The following PTCD1 variants were observed in gnomAD, a reference collection of about 807,000 sequenced individuals.
The protein encoded by PTCD1 is pentatricopeptide repeat domain 1, also known as pentatricopeptide repeat-containing protein 1, mitochondrial.
In PTCD1, 50 loss-of-function variants were observed where a neutral mutation model predicts 53.4. The observed-to-expected ratio is 0.94, with a 90% CI of 0.75 to 1.19. The LOEUF (loss-of-function observed/expected upper bound fraction) is 1.19, where lower values mean the gene tolerates loss of function less well. Among genes scored for constraint, PTCD1 ranks in the 50% most tolerant of loss-of-function variants. The pLI, the probability that PTCD1 is intolerant of heterozygous loss-of-function variation, is 0.00. For missense variants in PTCD1, 918 were observed against 904.8 expected, an observed-to-expected ratio of 1.01 and a Z score of -0.19; for synonymous variants, 413 against 394.8, an observed-to-expected ratio of 1.05 and a Z score of -0.55.
chr7:99,419,589 G>T lies in PTCD1; in HGVS notation c.*378C>A. ...CTTCGCTGTCTATCAGCTGTGATTTGTAAAAATAAAATCTTTAAATCTCTC... is the reference window on the plus strand; with the variant it reads ...CTTCGCTGTCTATCAGCTGTGATTTTTAAAAATAAAATCTTTAAATCTCTC... On this transcript the variant is annotated 3_prime_UTR_variant, in exon 8 of 8. Transcript: ENST00000292478. 1.1e-6 allele frequency: 1 copy of T among 935,202 alleles called. No individual in the cohort carries two copies. Among genetic ancestry groups the T allele is most frequent in the Non-Finnish European group, 1.6e-6 (1 of 621,966 alleles). 57.9% of individuals were successfully genotyped at this position (935,202 alleles called of 1,614,324 possible).
rs759044184 is a variant in PTCD1, at chr7:99,425,153, G to A, written c.1379C>T (p.Thr460Ile). The A allele has an allele frequency of 6.2e-7, 1 of 1,614,044 alleles. No individual in the cohort carries two copies. The highest frequency in any genetic ancestry group is 8.5e-7 in the Non-Finnish European group (1 of 1,179,964). The change falls in exon 6 of 8, where the codon ACC becomes ATC. Residue 460 changes from threonine (T) to isoleucine (I), a missense_variant. Transcript: ENST00000292478. ...PTVVSFGTVT[T>I]PADRLALIGG... Reference sequence around the variant, plus strand: ...TATCAAGGCCAGCCGGTCAGCTGGGGTGGTCACCGTTCCAAAGGAGACCAC... The same window carrying A: ...TATCAAGGCCAGCCGGTCAGCTGGGATGGTCACCGTTCCAAAGGAGACCAC...
At chr7:99,424,252 T>C (rs113680040) in intron 6 of PTCD1, among the ~76,000 whole-genome samples, 2,023 of 152,322 alleles carry the variant, frequency 0.013, 16 homozygotes, top group Non-Finnish European at 0.021. Context: ...GTGGGCTTCC[T>C]GTGACGCACG....
At chr7:99,421,996 G>A (rs186990171) in intron 7 of PTCD1, among the ~76,000 whole-genome samples, 65 of 152,228 alleles carry the variant, frequency 4.3e-4, no homozygotes, top group Admixed American at 1.0e-3. Flanking sequence ...ATAGTCTTGT[G>A]ACTGTCGAGT....
At chr7:99,420,217 G>A in intron 7 of PTCD1, 68 bp from the exon 8 acceptor site, 1 of 1,606,774 alleles carries the variant, frequency 6.2e-7, no homozygotes, top group Non-Finnish European at 8.5e-7. Context: ...CTCGGCAGCT[G>A]GCTCAGGCCT....
Position 99,433,365 on chromosome 7 carries a change from C to T in PTCD1, c.507G>A (p.Leu169=), listed in dbSNP as rs1218798658. Residue 169 remains leucine, a synonymous_variant, in exon 3 of 8, where the codon TTG becomes TTA. Transcript: ENST00000292478. The stretch of plus-strand genomic sequence containing the variant: ...CCGTGTAGTTGCTCTCCATGGGCTG[C>T]AATCGCTCCTCCTTCAGCATCTGCC... ...FERQMLKEER[L]QPMESNYTVL... is the part of the protein sequence containing the mutation. 2 of 1,614,220 alleles carry T rather than the reference C, an allele frequency of 1.2e-6. No homozygotes were observed. The highest frequency in any genetic ancestry group is 2.2e-5 in the East Asian group (1 of 44,878).
In PTCD1 at chr7:99,424,782, C is replaced by T. The variant is rs769166542; in HGVS notation, c.1737+13G>A. ...GCACCATGGGTGTCCTGCCCAGGCCCGAGTCCACTCACCTTCATGTCTGTG... is the reference window on the plus strand; with the variant it reads ...GCACCATGGGTGTCCTGCCCAGGCCTGAGTCCACTCACCTTCATGTCTGTG... On this transcript the variant is annotated intron_variant, in intron 6 of 7. Coordinates refer to ENST00000292478, the MANE Select transcript of PTCD1 (RefSeq NM_015545.4). 7.4e-6 allele frequency: 12 copies of T among 1,613,920 alleles called. No individual in the cohort carries two copies. The highest frequency in any genetic ancestry group is 1.7e-5 in the Admixed American group (1 of 59,980).
intron 5 of PTCD1, among the ~76,000 whole-genome samples, chr7:99,428,075 T>G (rs1226951009): frequency 6.7e-6 from 1 of 149,282 alleles, no homozygotes; most frequent in Non-Finnish European, 1.5e-5. Flanking sequence ...AATCTCCCTC[T>G]GCAAGAAACA....
rs931378820 is a variant in PTCD1, at chr7:99,433,416, C to T, written c.456G>A (p.Leu152=). 9.9e-6 allele frequency: 16 copies of T among 1,614,064 alleles called. No individual in the cohort carries two copies. The highest frequency in any genetic ancestry group is 1.4e-5 in the Non-Finnish European group (16 of 1,180,054). ...TCTCAAACAGGTCCAGGGCTTCAAC[C>T]AGCTGCAGGGAAGAGGCAACAGGGC... The part of the protein sequence containing the change: ...QCKHLIKEGK[L]VEALDLFERQ... Residue 152 remains leucine, a splice_region_variant and synonymous_variant, in exon 3 of 8, where the codon CTG becomes CTA. Coordinates refer to ENST00000292478, the MANE Select transcript of PTCD1 (RefSeq NM_015545.4).
At chr7:99,424,675 G>A in intron 6 of PTCD1, 120 bp downstream of exon 6, 1 of 1,338,178 alleles carries the variant, frequency 7.5e-7, no homozygotes, top group Non-Finnish European at 1.0e-6. Flanking sequence ...CACTCTCTTT[G>A]CCCCATGCAC....
At chr7:99,424,734 C>G in intron 6 of PTCD1, 61 bp downstream of exon 6, 1 of 1,597,826 alleles carries the variant, frequency 6.3e-7, no homozygotes, top group Non-Finnish European at 8.5e-7. Context: ...AAACTTTCCT[C>G]CTGAGCTGCA....
In PTCD1 at chr7:99,417,597, TA is replaced by T; in HGVS notation, c.*2369del. The stretch of plus-strand genomic sequence containing the variant: ...GTGCCCAAAAGCAAGCTGGAAGTGG[TA>T]ATGTCTGACACTCAAGCTTGGTGTT... On this transcript the variant is annotated 3_prime_UTR_variant, in exon 8 of 8. Transcript: ENST00000292478. 1 of 1,611,018 alleles carries T rather than the reference TA, an allele frequency of 6.2e-7. No individual in the cohort carries two copies. Among genetic ancestry groups the T allele is most frequent in the South Asian group, 1.1e-5 (1 of 91,062 alleles).
intron 5 of PTCD1, 66 bp from the exon 6 acceptor site, chr7:99,425,682 C>G: frequency 6.5e-7 from 1 of 1,547,268 alleles, no homozygotes; most frequent in Non-Finnish European, 8.7e-7. Flanking sequence ...GGGCTCACGC[C>G]TGGAATCCCA....
Position 99,424,944 on chromosome 7 carries a change from T to C in PTCD1, c.1588A>G (p.Lys530Glu). Reference sequence around the variant, plus strand: ...CCCTCCAGGTCTCCCAGCTTGCTCTTCTTTCTCACCAGCGTGTTAAAGAAT... The same window carrying C: ...CCCTCCAGGTCTCCCAGCTTGCTCTCCTTTCTCACCAGCGTGTTAAAGAAT... ...LTFFNTLVRKKSKLGDLEGAK... is the reference protein window; with the variant it reads ...LTFFNTLVRKESKLGDLEGAK... Residue 530 changes from lysine to glutamate, a missense_variant, in exon 6 of 8, where the codon AAG (lysine) becomes GAG (glutamate). Transcript: ENST00000292478. 3 of 1,614,254 alleles carry C rather than the reference T, an allele frequency of 1.9e-6. No homozygotes were observed. Among genetic ancestry groups the C allele is most frequent in the Non-Finnish European group, 2.5e-6 (3 of 1,180,040 alleles).
chr7:99,421,833 A>G (rs1449449936), intron 7 of PTCD1, among the ~76,000 whole-genome samples: 4 of 152,172 alleles, frequency 2.6e-5, no homozygotes, highest in Admixed American at 2.6e-4. Flanking sequence ...CAAAAGTGAT[A>G]TACATTCAGT....
chr7:99,423,852 G>C lies in PTCD1; in HGVS notation c.1843C>G (p.Gln615Glu), dbSNP rs1305997636. 3 of 1,614,204 alleles carry C rather than the reference G, an allele frequency of 1.9e-6. No homozygotes were observed. The Admixed American group carries it at 5.0e-5, about 27-fold the overall frequency. ...ACTTCGTTCACCGGGACCCTGTTCT[G>C]CTTCATGTCCTTCAAGATGCTGATG... ...YLISILKDMK[Q>E]NRVPVNEVVI... is the part of the protein sequence containing the mutation. The change falls in exon 7 of 8, where the codon CAG becomes GAG. Residue 615 changes from glutamine (Q) to glutamate (E), a missense_variant. Gln to Glu is a conservative substitution (Grantham distance 29). Coordinates refer to ENST00000292478, the MANE Select transcript of PTCD1 (RefSeq NM_015545.4).
In PTCD1 at chr7:99,429,593, A is replaced by G. The variant is rs756619885; in HGVS notation, c.808T>C (p.Phe270Leu). ...GACGGCAGGGGAAGCCCCACCTTGAACACATCGAGGCACATCCTAAGGTCT... is the reference window on the plus strand; with the variant it reads ...GACGGCAGGGGAAGCCCCACCTTGAGCACATCGAGGCACATCCTAAGGTCT... ...CADLRMCLDV[F>L]KEIIHKGHVV... The change falls in exon 4 of 8, where the codon TTC (phenylalanine) becomes CTC (leucine). Residue 270 changes from phenylalanine (F) to leucine (L), a missense_variant. Phe to Leu is a conservative substitution (Grantham distance 22). Transcript: ENST00000292478. The G allele has an allele frequency of 1.2e-6, 2 of 1,614,158 alleles. No individual in the cohort carries two copies. Among genetic ancestry groups the G allele is most frequent in the Admixed American group, 3.3e-5 (2 of 60,020 alleles).
intron 2 of PTCD1, 152 bp from the exon 3 acceptor site, chr7:99,433,570 C>A (rs959085729): frequency 1.4e-5 from 21 of 1,461,242 alleles, no homozygotes; most frequent in African/African-American, 7.0e-5. Flanking sequence ...GCTGTTTCTG[C>A]CCCATCCCTC....
intron 5 of PTCD1, 83 bp from the exon 6 acceptor site, chr7:99,425,699 TG>T (rs762438304): frequency 2.0e-6 from 3 of 1,522,100 alleles, no homozygotes; most frequent in South Asian, 2.4e-5. Context: ...CCCAGCACCT[TG>T]GGAGTTTTAG....
rs1562839524 is a variant in PTCD1, at chr7:99,423,814, C to A, written c.1881G>T (p.Gln627His). The A allele has an allele frequency of 3.1e-6, 5 of 1,614,194 alleles. No homozygotes were observed. Among genetic ancestry groups the A allele is most frequent in the Non-Finnish European group, 4.2e-6 (5 of 1,180,036 alleles). The stretch of plus-strand genomic sequence containing the variant: ...GAGGGTACTGGGCTGCAAACTCCAG[C>A]TGGCGGATGACCACTTCGTTCACCG... ...RVPVNEVVIRQLEFAAQYPPT... is the reference protein window; with the variant it reads ...RVPVNEVVIRHLEFAAQYPPT... The change falls in exon 7 of 8, where the codon CAG becomes CAT. Residue 627 changes from glutamine to histidine, a missense_variant. Physicochemically the swap from Gln to His is conservative, Grantham distance 24. Transcript: ENST00000292478.
Sources: gnomAD v4.1 joint callset for allele counts (sites outside exome capture counted in the v4.1 genomes callset) on GRCh38, gnomAD v4.1.1 for gene constraint, MANE v1.5 for transcripts, NCBI Gene and HGNC (gene_info 2026-07-23, HGNC 2026-07-21) for gene names.